Variants in TEX264 observed in about 807,000 individuals in gnomAD.
TEX264 encodes testis-expressed protein 264.
TEX264 carries 13 observed loss-of-function variants against 23.4 expected under a neutral mutation model. That is an observed-to-expected ratio of 0.56 (90% CI 0.36 to 0.88). TEX264 has a LOEUF of 0.88. Ranked by LOEUF, TEX264 falls within the 40% of genes least tolerant of loss-of-function variation. TEX264 has a pLI of 0.01. For synonymous variants in TEX264, 159 were observed against 170.0 expected (o/e 0.94, Z 0.50); for missense variants, 340 against 406.8 (o/e 0.84, Z 1.41).
chr3:51,702,511 A>T (rs1559685777), intron 4 of TEX264, among the ~76,000 whole-genome samples: 2 of 152,080 alleles, frequency 1.3e-5, no homozygotes, highest in Admixed American at 6.5e-5. Flanking sequence ...CCCACCCCCA[A>T]CCTAGGCCCC....
Position 51,699,455 on chromosome 3 carries a change from A to G in TEX264, c.530A>G (p.Gln177Arg), listed in dbSNP as rs1006029295. 8.7e-6 allele frequency: 14 copies of G among 1,614,156 alleles called. No individual in the cohort carries two copies. Among genetic ancestry groups the G allele is most frequent in the Non-Finnish European group, 1.2e-5 (14 of 1,179,948 alleles). Residue 177 changes from glutamine to arginine, a missense_variant, in exon 4 of 5, where the codon CAG becomes CGG. Coordinates refer to ENST00000341333, the MANE Select transcript of TEX264 (RefSeq NM_015926.6). ...CGGCTGGAGATCTACCAGGAAGACC[A>G]GATCCATTTCATGTGCCCACTGGCA... ...YPRLEIYQED[Q>R]IHFMCPLARQ...
In TEX264 at chr3:51,684,355, G is replaced by A. The variant is rs1702536488; in HGVS notation, c.259-58G>A. Reference sequence around the variant, plus strand: ...GATCTGGCACAGTCCCAGGAGGAAGGAGGTCTGAGGGCCTCCTTCCTTTGG... The same window carrying A: ...GATCTGGCACAGTCCCAGGAGGAAGAAGGTCTGAGGGCCTCCTTCCTTTGG... On this transcript the variant is annotated intron_variant, in intron 2 of 4. Coordinates refer to ENST00000341333, the MANE Select transcript of TEX264 (RefSeq NM_015926.6). 2.5e-5 allele frequency: 38 copies of A among 1,513,184 alleles called. 1 individual carries two copies. In the South Asian group the frequency reaches 3.7e-4, roughly 15 times the overall value. The allele number at this position is 1,513,184 out of a possible 1,614,324, so 93.7% of individuals were successfully genotyped here. A position where few individuals can be genotyped will look rare whatever the true frequency, so the allele number is the denominator to read the frequency against.
At chr3:51,690,358 C>G (rs573844299) in intron 3 of TEX264, among the ~76,000 whole-genome samples, 1 of 152,236 alleles carries the variant, frequency 6.6e-6, no homozygotes, top group South Asian at 2.1e-4. Flanking sequence ...ACAGTGAAAC[C>G]CCATCTTTAC....
Position 51,674,537 on chromosome 3 carries a change from C to G in TEX264, c.233C>G (p.Ala78Gly). The G allele has an allele frequency of 6.2e-7, 1 of 1,614,168 alleles. No individual in the cohort carries two copies. Among genetic ancestry groups the G allele is most frequent in the Non-Finnish European group, 8.5e-7 (1 of 1,180,036 alleles). The change falls in exon 2 of 5, where the codon GCT becomes GGT. Residue 78 changes from alanine to glycine, a missense_variant. By Grantham distance (60) the Ala-to-Gly change is moderately conservative. Coordinates refer to ENST00000341333, the MANE Select transcript of TEX264 (RefSeq NM_015926.6). ...CSISPKLRSI[A>G]VYYDNPHMVP... ...ATCTCTCCCAAGCTCCGCTCCATCG[C>G]TGTCTACTATGACAACCCCCACATG... is the stretch of plus-strand genomic sequence containing the variant.
At chr3:51,687,349 G>A (rs1577511154) in intron 3 of TEX264, among the ~76,000 whole-genome samples, 1 of 152,220 alleles carries the variant, frequency 6.6e-6, no homozygotes, top group Admixed American at 6.5e-5. Context: ...AGCTCTGTTT[G>A]CTGGTCACAG....
chr3:51,699,006 G>A (rs1577533529), intron 3 of TEX264, among the ~76,000 whole-genome samples: 1 of 152,150 alleles, frequency 6.6e-6, no homozygotes, highest in Non-Finnish European at 1.5e-5. Context: ...GGAAAGTCTG[G>A]TAGGTGAGAC....
At chr3:51,701,517 G>GT (rs1205037306) in intron 4 of TEX264, among the ~76,000 whole-genome samples, 1 of 152,062 alleles carries the variant, frequency 6.6e-6, no homozygotes, top group African/African-American at 2.4e-5. Context: ...TAGAGATGGT[G>GT]TTTCGCCATA....
intron 2 of TEX264, among the ~76,000 whole-genome samples, chr3:51,678,765 C>A (rs549713482): frequency 5.7e-4 from 87 of 152,282 alleles, no homozygotes; most frequent in Non-Finnish European, 8.2e-4. Context: ...TGATGTAGGC[C>A]TGTGTCACAC....
At chr3:51,692,021 T>TAG (rs1702846890) in intron 3 of TEX264, among the ~76,000 whole-genome samples, 1 of 152,134 alleles carries the variant, frequency 6.6e-6, no homozygotes, top group Non-Finnish European at 1.5e-5. Flanking sequence ...CTCTCTGGCT[T>TAG]TACCCCACCT....
rs1702632023 is a variant in TEX264, at chr3:51,686,647, C to A, written c.480+2013C>A. Among the ~76,000 whole-genome samples the A allele has an allele frequency of 6.6e-6, 1 of 151,366 alleles. No homozygotes were observed. The highest frequency in any genetic ancestry group is 2.4e-5 in the African/African-American group (1 of 41,130). ...CAAAAGGGGTGTGGGGCAGGATGTG[C>A]TTGCCTGGCTGCGGTTGGACTGGAG... On this transcript the variant is annotated intron_variant, in intron 3 of 4. Coordinates refer to ENST00000341333, the MANE Select transcript of TEX264 (RefSeq NM_015926.6). The surrounding 1 kb of genome is among the most constrained non-coding windows in gnomAD (Gnocchi z 4.1).
chr3:51,687,373 G>A (rs989597807), intron 3 of TEX264, among the ~76,000 whole-genome samples: 1 of 152,212 alleles, frequency 6.6e-6, no homozygotes, highest in Non-Finnish European at 1.5e-5. Flanking sequence ...GCAGTGGACA[G>A]GGGTGGCCCT....
At chr3:51,689,535 G>A (rs1168209976) in intron 3 of TEX264, among the ~76,000 whole-genome samples, 25 of 152,102 alleles carry the variant, frequency 1.6e-4, no homozygotes, top group Non-Finnish European at 3.5e-4. Context: ...GACTGCCCTG[G>A]CTGTGCTGAG....
At position 51,704,043 on chromosome 3, in the gene TEX264, C is replaced by T; in HGVS notation, c.*27C>T. 1.4e-6 allele frequency: 2 copies of T among 1,448,068 alleles called. No homozygotes were observed. The highest frequency in any genetic ancestry group is 2.5e-5 in the Admixed American group (1 of 40,424). 89.7% of individuals were successfully genotyped at this position (1,448,068 alleles called of 1,614,324 possible). A position where few individuals can be genotyped will look rare whatever the true frequency, so the allele number is the denominator to read the frequency against. On this transcript the variant is annotated 3_prime_UTR_variant, in exon 5 of 5. Transcript: ENST00000341333. ...CCATGGCCTGCACCCTCCTGCAGTG[C>T]AGTTGCTGAGGAACTGAGCAGACTC...
chr3:51,690,009 T>C (rs534160018), intron 3 of TEX264, among the ~76,000 whole-genome samples: 1 of 152,152 alleles, frequency 6.6e-6, no homozygotes, highest in Non-Finnish European at 1.5e-5. Flanking sequence ...CTAAGGCCTG[T>C]GGGCCCCAGC....
chr3:51,695,068 TGCA>T (rs1458084660), intron 3 of TEX264, among the ~76,000 whole-genome samples: 1 of 152,188 alleles, frequency 6.6e-6, no homozygotes, highest in Non-Finnish European at 1.5e-5. Flanking sequence ...TGCAGGCAGG[TGCA>T]TGTTGGTGTC....
chr3:51,689,112 C>G (rs1232872438), intron 3 of TEX264, among the ~76,000 whole-genome samples: 1 of 151,700 alleles, frequency 6.6e-6, no homozygotes, highest in Non-Finnish European at 1.5e-5. Flanking sequence ...GAGTGAGACT[C>G]TGTCTCAAAA....
intron 1 of TEX264, chr3:51,672,265 A>C (rs984106873): frequency 6.6e-5 from 10 of 152,136 alleles, no homozygotes; most frequent in African/African-American, 2.4e-4. Context: ...GCCGCACTGG[A>C]TGCCAGCAGT....
At position 51,703,920 on chromosome 3, in the gene TEX264, G is replaced by T. The variant is rs965757946; in HGVS notation, c.846G>T (p.Gly282=). The T allele has an allele frequency of 3.7e-6, 6 of 1,606,928 alleles. No individual in the cohort carries two copies. The highest frequency in any genetic ancestry group is 5.1e-6 in the Non-Finnish European group (6 of 1,175,076). The change falls in exon 5 of 5, where the codon GGG becomes GGT. Residue 282 remains glycine, a synonymous_variant. Transcript: ENST00000341333. The surrounding 1 kb of genome is among the most constrained non-coding windows in gnomAD (Gnocchi z 4.8). Reference sequence around the variant, plus strand: ...AGGAGCTGGACTTGGAGGGCGAGGGGCCCTTAGGGGAGTCACGGCTGGACC... The same window carrying T: ...AGGAGCTGGACTTGGAGGGCGAGGGTCCCTTAGGGGAGTCACGGCTGGACC... ...SFEELDLEGE[G]PLGESRLDPG... is the part of the protein sequence containing the mutation.
At chr3:51,698,569 G>A (rs966494786) in intron 3 of TEX264, among the ~76,000 whole-genome samples, 15 of 152,162 alleles carry the variant, frequency 9.9e-5, no homozygotes, top group Admixed American at 5.9e-4. Context: ...ACTCATTGGG[G>A]GATGGGGAGC....
Sources: gnomAD v4.1 joint callset for allele counts (sites outside exome capture counted in the v4.1 genomes callset) on GRCh38, gnomAD v4.1.1 for gene constraint, Gnocchi (gnomAD v3.1) non-coding constraint, MANE v1.5 for transcripts, NCBI Gene and HGNC (gene_info 2026-07-23, HGNC 2026-07-21) for gene names.